TTI1: variants seen among roughly 807,000 people sequenced by gnomAD.
TTI1 encodes the protein TELO2-interacting protein 1 homolog.
TTI1 carries 52 observed loss-of-function variants against 85.4 expected under a neutral mutation model. The observed-to-expected ratio is 0.61, with a 90% CI of 0.49 to 0.77. The LOEUF (loss-of-function observed/expected upper bound fraction) is 0.77. Ranked by LOEUF, TTI1 falls within the 30% of genes least tolerant of loss-of-function variation. TTI1 has a pLI of 0.00. For missense variants in TTI1, 1,173 were observed against 1,296.0 expected (o/e 0.91, Z 1.46); for synonymous variants, 512 against 503.9 (o/e 1.02, Z -0.22).
chr20:37,997,054 G>A, intron 5 of TTI1, 101 bp from the exon 6 acceptor site: 1 of 1,287,624 alleles, frequency 7.8e-7, no homozygotes. Context: ...TCTGCTTGGG[G>A]GAAAAAAAAA....
At chr20:38,023,740 C>A (rs952828793) in intron 1 of TTI1, among the ~76,000 whole-genome samples, 13 of 152,198 alleles carry the variant, frequency 8.5e-5, no homozygotes, top group African/African-American at 2.9e-4. Context: ...AAACATTAAC[C>A]CTTCAGCATA....
chr20:38,023,410 A>G (rs964032069), intron 1 of TTI1, among the ~76,000 whole-genome samples: 8 of 152,202 alleles, frequency 5.3e-5, no homozygotes, highest in African/African-American at 1.9e-4. Context: ...TTGGGAATCT[A>G]CAATTTTAAA....
intron 3 of TTI1, 43 bp from the exon 4 acceptor site, chr20:38,002,819 A>G (rs2073445390): frequency 6.2e-7 from 1 of 1,600,148 alleles, no homozygotes; most frequent in Non-Finnish European, 8.6e-7. Flanking sequence ...TATGAGTGAT[A>G]AAACAGAGAT....
At chr20:38,003,976 G>A (rs551075929) in intron 3 of TTI1, among the ~76,000 whole-genome samples, 1 of 152,248 alleles carries the variant, frequency 6.6e-6, no homozygotes, top group East Asian at 1.9e-4. Context: ...GGTAACAAGG[G>A]CAGCTTGGTG....
intron 1 of TTI1, among the ~76,000 whole-genome samples, chr20:38,016,222 C>T (rs2073679552): frequency 6.6e-6 from 1 of 152,140 alleles, no homozygotes; most frequent in East Asian, 1.9e-4. Context: ...CCCACATATC[C>T]CACCAGAAGA....
At position 38,014,757 on chromosome 20, in the gene TTI1, CAA is replaced by C. The variant is rs201839943; in HGVS notation, c.-41-902_-41-901del. Among the ~76,000 whole-genome samples, 1,053 of 152,188 alleles carry C rather than the reference CAA, an allele frequency of 6.9e-3. 5 individuals are homozygous for C. Among genetic ancestry groups the C allele is most frequent in the African/African-American group, 0.02 (836 of 41,506 alleles). On this transcript the variant is annotated intron_variant, in intron 1 of 7. Coordinates refer to ENST00000373447, the MANE Select transcript of TTI1 (RefSeq NM_001303457.2). ...GGAAAGCAAAGAACAACTCAATATCCAAGAGTCTGTCTTTTTTTTTGTGAAGA... is the reference window on the plus strand; with the variant it reads ...GGAAAGCAAAGAACAACTCAATATCCGAGTCTGTCTTTTTTTTTGTGAAGA...
chr20:37,997,345 C>T (rs1485373070), intron 5 of TTI1, among the ~76,000 whole-genome samples: 1 of 151,960 alleles, frequency 6.6e-6, no homozygotes, highest in Non-Finnish European at 1.5e-5. Context: ...ATGCTTTAAA[C>T]TCTAGCTAGC....
chr20:38,011,714 C>T lies in TTI1; in HGVS notation c.2103G>A (p.Gly701=). 1.2e-6 allele frequency: 2 copies of T among 1,614,194 alleles called. No homozygotes were observed. Among genetic ancestry groups the T allele is most frequent in the South Asian group, 2.2e-5 (2 of 91,076 alleles). The change falls in exon 2 of 8, where the codon GGG becomes GGA. Residue 701 remains glycine, a synonymous_variant. Coordinates refer to ENST00000373447, the MANE Select transcript of TTI1 (RefSeq NM_001303457.2). ...INQNSDYLVN[G]ISLNLRHLAL... is the part of the protein sequence containing the mutation. ...CCAGATGACGCAGATTTAAAGAGATCCCATTCACTAAATAGTCTGAATTTT... is the reference window on the plus strand; with the variant it reads ...CCAGATGACGCAGATTTAAAGAGATTCCATTCACTAAATAGTCTGAATTTT...
chr20:38,016,316 T>A (rs536500570), intron 1 of TTI1, among the ~76,000 whole-genome samples: 1 of 152,324 alleles, frequency 6.6e-6, no homozygotes, highest in South Asian at 2.1e-4. Context: ...AAGCCTGGTA[T>A]ACAAAATGGA....
intron 7 of TTI1, among the ~76,000 whole-genome samples, chr20:37,990,408 G>C (rs115713582): frequency 6.6e-6 from 1 of 151,822 alleles, no homozygotes; most frequent in Non-Finnish European, 1.5e-5. Flanking sequence ...TGCTTTTTTC[G>C]GTCTTATAGA....
rs760836587 is a variant in TTI1 at position 38,011,796 on chromosome 20, G to C, written c.2021C>G (p.Thr674Ser). 7.4e-6 allele frequency: 12 copies of C among 1,614,224 alleles called. No individual in the cohort carries two copies. In the South Asian group the frequency reaches 1.3e-4, roughly 18 times the overall value. The change falls in exon 2 of 8, where the codon ACC (threonine) becomes AGC (serine). Residue 674 changes from threonine (T) to serine (S), a missense_variant. Physicochemically the swap from Thr to Ser is moderately conservative, Grantham distance 58. Coordinates refer to ENST00000373447, the MANE Select transcript of TTI1 (RefSeq NM_001303457.2). Reference protein sequence around the residue: ...TLLISQVATSTMMDVCRACGY... With the variant: ...TLLISQVATSSMMDVCRACGY... Reference sequence around the variant, plus strand: ...ACAAGCACGGCAAACGTCCATCATGGTGCTGGTAGCCACCTGACTAATGAG... The same window carrying C: ...ACAAGCACGGCAAACGTCCATCATGCTGCTGGTAGCCACCTGACTAATGAG...
chr20:38,001,897 T>C (rs999693719), intron 4 of TTI1, among the ~76,000 whole-genome samples: 1 of 152,194 alleles, frequency 6.6e-6, no homozygotes. Flanking sequence ...TTTGTGTTTT[T>C]AGTAGAGATG....
chr20:37,983,665 T>G (rs554750341), intron 7 of TTI1, 26 bp from the exon 8 acceptor site: 14 of 1,487,896 alleles, frequency 9.4e-6, no homozygotes, highest in Non-Finnish European at 1.3e-5. Flanking sequence ...AAGGAGTGAG[T>G]AGAGGGTACA....
At position 38,013,740 on chromosome 20, in the gene TTI1, G is replaced by A; in HGVS notation, c.77C>T (p.Thr26Ile). ...CTGCAGATGCTCCACATTCTCCACT[G>A]TCTGGGTCTTTGTGAGCTGAACACA... ...PVCVQLTKTQ[T>I]VENVEHLQTR... is the part of the protein sequence containing the mutation. Residue 26 changes from threonine to isoleucine, a missense_variant, in exon 2 of 8, where the codon ACA becomes ATA. Transcript: ENST00000373447. 1.2e-6 allele frequency: 2 copies of A among 1,614,156 alleles called. No homozygotes were observed. The highest frequency in any genetic ancestry group is 1.7e-6 in the Non-Finnish European group (2 of 1,180,030).
chr20:37,992,957 T>C (rs1387763753), intron 7 of TTI1, among the ~76,000 whole-genome samples: 1 of 152,178 alleles, frequency 6.6e-6, no homozygotes, highest in Non-Finnish European at 1.5e-5. Context: ...GTGTGGCTGA[T>C]CTGACCTGTT....
intron 1 of TTI1, among the ~76,000 whole-genome samples, chr20:38,033,121 A>T (rs1012637107): frequency 6.6e-6 from 1 of 152,144 alleles, no homozygotes. Context: ...TCACCAGGTG[A>T]GAAAGGGGAT....
chr20:38,002,162 C>T (rs2073435319), intron 4 of TTI1, among the ~76,000 whole-genome samples: 1 of 152,166 alleles, frequency 6.6e-6, no homozygotes, highest in South Asian at 2.1e-4. Context: ...GTCACTACTA[C>T]ATGCTTTCAG....
chr20:38,000,174 C>T (rs1370331353), intron 4 of TTI1, among the ~76,000 whole-genome samples: 3 of 152,216 alleles, frequency 2.0e-5, no homozygotes, highest in South Asian at 2.1e-4. Context: ...AGAGCTGCTT[C>T]GTTTCAGGGG....
chr20:38,024,803 C>T (rs1357349642), intron 1 of TTI1, among the ~76,000 whole-genome samples: 1 of 152,098 alleles, frequency 6.6e-6, no homozygotes, highest in Non-Finnish European at 1.5e-5. Context: ...GGCATTCCAT[C>T]CCCACCAGCC....
Sources: gnomAD v4.1 joint callset for allele counts (sites outside exome capture counted in the v4.1 genomes callset) on GRCh38, gnomAD v4.1.1 for gene constraint, MANE v1.5 for transcripts, NCBI Gene and HGNC (gene_info 2026-07-23, HGNC 2026-07-21) for gene names.